Variants in TDRP observed in about 807,000 individuals in gnomAD.
The protein encoded by TDRP is testis development related protein.
In TDRP, 12 loss-of-function variants were observed where a neutral mutation model predicts 10.5. The observed-to-expected ratio is 1.15, with a 90% CI of 0.73 to 1.86. The LOEUF (loss-of-function observed/expected upper bound fraction) is 1.86. Ranked by LOEUF, TDRP falls within the 40% of genes most tolerant of loss-of-function variation. The pLI is 0.00. For synonymous variants in TDRP, 139 were observed against 95.4 expected (o/e 1.46, Z -2.67); for missense variants, 353 against 229.2 (o/e 1.54, Z -3.49).
At chr8:524,103 C>T (rs914287311) in intron 1 of TDRP, among the ~76,000 whole-genome samples, 33 of 152,220 alleles carry the variant, frequency 2.2e-4, no homozygotes, top group African/African-American at 7.5e-4. Context: ...TCAGCACAGA[C>T]AGACTCCATT....
intron 1 of TDRP, among the ~76,000 whole-genome samples, chr8:499,225 T>TTTTTGTTTTGTTTTG (rs76093312): frequency 6.6e-6 from 1 of 151,900 alleles, no homozygotes; most frequent in African/African-American, 2.4e-5. Flanking sequence ...TCAAACAACG[T>TTTTTGTTTTGTTTTG]TTTTGTTTTG....
chr8:508,669 G>A (rs1248655448), intron 1 of TDRP, among the ~76,000 whole-genome samples: 2 of 152,090 alleles, frequency 1.3e-5, no homozygotes, highest in African/African-American at 4.8e-5. Context: ...TGAGATTTGG[G>A]TGGGGACACA....
chr8:520,852 G>C (rs987468110), intron 1 of TDRP, among the ~76,000 whole-genome samples: 26 of 152,074 alleles, frequency 1.7e-4, no homozygotes, highest in African/African-American at 6.3e-4. Flanking sequence ...CCTTATTAGA[G>C]ATATGGCTGA....
At position 498,472 on chromosome 8, in the gene TDRP, G is replaced by A. The variant is rs1801194854; in HGVS notation, c.109-3875C>T. ...TTGTGGGTGCATTTACCCAACGCCTGCACCTCCATTGTGTCTTTAAAGTAA... is the reference window on the plus strand; with the variant it reads ...TTGTGGGTGCATTTACCCAACGCCTACACCTCCATTGTGTCTTTAAAGTAA... On this transcript the variant is annotated intron_variant, in intron 1 of 2. Coordinates refer to ENST00000324079, the MANE Select transcript of TDRP (RefSeq NM_001384899.1). Among the ~76,000 whole-genome samples the A allele has an allele frequency of 2.0e-5, 3 of 152,282 alleles. No individual in the cohort carries two copies. In the South Asian group the frequency reaches 6.2e-4, roughly 32 times the overall value.
At chr8:544,491 C>G (rs531143281) in intron 1 of TDRP, among the ~76,000 whole-genome samples, 159 bp downstream of exon 1, 34 of 152,088 alleles carry the variant, frequency 2.2e-4, no homozygotes, top group Non-Finnish European at 4.6e-4. Context: ...CACTCGGGCA[C>G]CTAGCGGGCC....
At chr8:514,885 G>C (rs796440331) in intron 1 of TDRP, among the ~76,000 whole-genome samples, 1 of 152,122 alleles carries the variant, frequency 6.6e-6, no homozygotes, top group African/African-American at 2.4e-5. Flanking sequence ...TTCTTTCACG[G>C]GGAGGGCTAC....
At chr8:502,136 C>T (rs948317331) in intron 1 of TDRP, among the ~76,000 whole-genome samples, 150 of 152,224 alleles carry the variant, frequency 9.9e-4, no homozygotes, top group African/African-American at 3.3e-3. Context: ...CACAGTGCCC[C>T]CAACAGGCTA....
At chr8:512,495 C>A (rs1296755240) in intron 1 of TDRP, among the ~76,000 whole-genome samples, 1 of 151,748 alleles carries the variant, frequency 6.6e-6, no homozygotes, top group Non-Finnish European at 1.5e-5. Flanking sequence ...AAAAAGAAGA[C>A]TTAAATTACT....
In TDRP at chr8:494,525, G is replaced by A; in HGVS notation, c.181C>T (p.Leu61=). The change falls in exon 2 of 3, where the codon CTG becomes TTG. Residue 61 remains leucine (L), a synonymous_variant. Coordinates refer to ENST00000324079, the MANE Select transcript of TDRP (RefSeq NM_001384899.1). ...GACTTGGGAGATTTACATCTTTCCA[G>A]GAGATGCTGCTCATCATCTTTGTTA... ...LFNKDDEQHL[L]ERCKSPKSKG... 1.2e-6 allele frequency: 2 copies of A among 1,613,872 alleles called. No individual in the cohort carries two copies. Among genetic ancestry groups the A allele is most frequent in the Non-Finnish European group, 8.5e-7 (1 of 1,179,832 alleles).
chr8:494,348 C>T (rs371864039), intron 2 of TDRP, 146 bp downstream of exon 2: 19 of 662,358 alleles, frequency 2.9e-5, no homozygotes, highest in East Asian at 1.4e-4. Context: ...CAGGGACAGA[C>T]GGAGTGGGGA....
intron 1 of TDRP, among the ~76,000 whole-genome samples, chr8:516,389 A>T (rs1039017443): frequency 2.0e-5 from 3 of 152,250 alleles, no homozygotes; most frequent in African/African-American, 4.8e-5. Flanking sequence ...TGTTGTCCAA[A>T]ATATACAAGG....
At chr8:531,227 G>GTACTGT (rs1422829107) in intron 1 of TDRP, among the ~76,000 whole-genome samples, 1 of 152,070 alleles carries the variant, frequency 6.6e-6, no homozygotes, top group African/African-American at 2.4e-5. Context: ...CTTGCCTGGG[G>GTACTGT]TACTGTGACT....
At chr8:498,109 C>G (rs1801183901) in intron 1 of TDRP, among the ~76,000 whole-genome samples, 1 of 152,140 alleles carries the variant, frequency 6.6e-6, no homozygotes, top group Non-Finnish European at 1.5e-5. Context: ...TTGCAACCCC[C>G]ACACCAAGTC....
chr8:537,868 T>C (rs1802387495), intron 1 of TDRP, among the ~76,000 whole-genome samples: 2 of 152,220 alleles, frequency 1.3e-5, no homozygotes. Flanking sequence ...TTTTACCTAC[T>C]TGGTTATATA....
At chr8:539,260 T>C (rs1270987607) in intron 1 of TDRP, among the ~76,000 whole-genome samples, 2 of 152,106 alleles carry the variant, frequency 1.3e-5, no homozygotes, top group Admixed American at 1.3e-4. Context: ...ATGAGTGTCC[T>C]AATATGGTGG....
Position 514,250 on chromosome 8 carries a change from T to C in TDRP, c.109-19653A>G, listed in dbSNP as rs894487788. ...TAGCACATCAATGCAATCAGTGGCA[T>C]TAATCAATGACAGATGAATGGAAAA... On this transcript the variant is annotated intron_variant, in intron 1 of 2. Coordinates refer to ENST00000324079, the MANE Select transcript of TDRP (RefSeq NM_001384899.1). Among the ~76,000 whole-genome samples, 12 of 152,234 alleles carry C rather than the reference T, an allele frequency of 7.9e-5. No individual in the cohort carries two copies. In the South Asian group the frequency reaches 2.1e-3, roughly 26 times the overall value.
At chr8:511,916 A>G (rs529486971) in intron 1 of TDRP, among the ~76,000 whole-genome samples, 87 of 152,326 alleles carry the variant, frequency 5.7e-4, no homozygotes, top group African/African-American at 2.0e-3. Context: ...CAGTTAAAGC[A>G]AAGCTTAGGA....
At chr8:518,629 G>T (rs1474578207) in intron 1 of TDRP, among the ~76,000 whole-genome samples, 1 of 87,726 alleles carries the variant, frequency 1.1e-5, no homozygotes, top group Admixed American at 1.3e-4. Context: ...AAGTAACTTC[G>T]ACCAGTTAAA....
At chr8:503,258 C>G (rs1801356330) in intron 1 of TDRP, among the ~76,000 whole-genome samples, 1 of 150,844 alleles carries the variant, frequency 6.6e-6, no homozygotes, top group Admixed American at 6.6e-5. Flanking sequence ...ACATGGAATC[C>G]AGAGCCACAC....
Sources: gnomAD v4.1 joint callset for allele counts (sites outside exome capture counted in the v4.1 genomes callset) on GRCh38, gnomAD v4.1.1 for gene constraint, MANE v1.5 for transcripts, NCBI Gene and HGNC (gene_info 2026-07-23, HGNC 2026-07-21) for gene names.